The following SLC14A2 variants were observed in gnomAD, a reference collection of about 807,000 sequenced individuals.
The protein encoded by SLC14A2 is solute carrier family 14 member 2.
In SLC14A2, 91 loss-of-function variants were observed where a neutral mutation model predicts 104.6. The ratio of observed to expected loss-of-function variants is 0.87; its 90% CI spans 0.73 to 1.04. The LOEUF (loss-of-function observed/expected upper bound fraction) is 1.04, where lower values mean the gene tolerates loss of function less well. SLC14A2 is among the 50% of genes least tolerant of loss of function. The pLI, the probability that SLC14A2 is intolerant of heterozygous loss-of-function variation, is 0.00. For synonymous variants in SLC14A2, 476 were observed against 466.4 expected (o/e 1.02, Z -0.27); for missense variants, 1,189 against 1,156.0 (o/e 1.03, Z -0.41).
chr18:45,411,974 A>G (rs2086220254), intron 1 of SLC14A2, among the ~76,000 whole-genome samples: 1 of 152,184 alleles, frequency 6.6e-6, no homozygotes, highest in African/African-American at 2.4e-5. Flanking sequence ...CTCCCAACCA[A>G]GAAAAAGTCT....
chr18:45,417,547 C>G lies in SLC14A2; in HGVS notation c.-124-65686C>G, dbSNP rs2086291090. Among the ~76,000 whole-genome samples the G allele has an allele frequency of 2.0e-5, 3 of 152,202 alleles. No individual in the cohort carries two copies. The South Asian group carries it at 6.2e-4, about 32-fold the overall frequency. ...AGGGAAAAGCTCCTTATAAAGCCAT[C>G]AGATCTTCTGAGAACTCACTCACTA... On this transcript the variant is annotated intron_variant, in intron 1 of 20. Coordinates refer to the SLC14A2 transcript ENST00000586448.
At chr18:45,273,878 A>C (rs571022595) in intron 1 of SLC14A2, among the ~76,000 whole-genome samples, 2 of 152,286 alleles carry the variant, frequency 1.3e-5, no homozygotes, top group Admixed American at 6.5e-5. Context: ...AACAGTATTG[A>C]AGGGTGAAGA....
intron 6 of SLC14A2, 106 bp downstream of exon 6, chr18:45,637,288 T>A: frequency 1.2e-6 from 1 of 865,168 alleles, no homozygotes; most frequent in Non-Finnish European, 1.8e-6. Flanking sequence ...TAGAAACATC[T>A]ATACCAGATG....
At chr18:45,419,759 G>C (rs552968377) in intron 1 of SLC14A2, among the ~76,000 whole-genome samples, 5 of 130,940 alleles carry the variant, frequency 3.8e-5, no homozygotes, top group South Asian at 2.7e-4. Flanking sequence ...GGGCGACAGA[G>C]GAAGACTCCA....
At chr18:45,447,127 G>A (rs1598831210) in intron 1 of SLC14A2, 1 of 152,358 alleles carries the variant, frequency 6.6e-6, no homozygotes, top group East Asian at 1.9e-4. Context: ...GGTGGGGGTA[G>A]TCAGTCACCT....
At chr18:45,171,899 C>T in the SLC14A2 span, among the ~76,000 whole-genome samples, 1 of 152,204 alleles carries the variant, frequency 6.6e-6, no homozygotes, top group East Asian at 1.9e-4. Flanking sequence ...CCCTAAGGCC[C>T]AACTTCTTTC....
intron 1 of SLC14A2, among the ~76,000 whole-genome samples, chr18:45,343,829 G>A (rs1420970258): frequency 1.3e-5 from 2 of 152,088 alleles, no homozygotes; most frequent in South Asian, 2.1e-4. Context: ...ATCACCGCCT[G>A]TACCAAATAC....
rs146506064 is a variant in SLC14A2, at chr18:45,269,640, T to G, written c.-125+56449T>G. Among the ~76,000 whole-genome samples the G allele has an allele frequency of 2.9e-3, 436 of 152,248 alleles. 1 individual carries two copies. Among genetic ancestry groups the G allele is most frequent in the African/African-American group, 0.01 (416 of 41,542 alleles). ...CTGCACTACCTTCGAGACAAGACCATAGCTGCTCATAATTGCGCGTACTAT... is the reference window on the plus strand; with the variant it reads ...CTGCACTACCTTCGAGACAAGACCAGAGCTGCTCATAATTGCGCGTACTAT... On this transcript the variant is annotated intron_variant, in intron 1 of 20. Coordinates refer to the SLC14A2 transcript ENST00000586448.
intron 4 of SLC14A2, among the ~76,000 whole-genome samples, chr18:45,628,380 G>A (rs149403408): frequency 6.6e-6 from 1 of 151,488 alleles, no homozygotes; most frequent in Non-Finnish European, 1.5e-5. Flanking sequence ...GGAGGCGGAG[G>A]TTGCAGTTAG....
chr18:45,550,546 C>A (rs57234345), intron 2 of SLC14A2, among the ~76,000 whole-genome samples: 11,507 of 152,262 alleles, frequency 0.076, 559 homozygotes, highest in East Asian at 0.19. Context: ...GCCTGTGTGC[C>A]TGACACTTAT....
chr18:45,494,253 G>A (rs1319090727), intron 2 of SLC14A2, among the ~76,000 whole-genome samples: 1 of 152,152 alleles, frequency 6.6e-6, no homozygotes, highest in Non-Finnish European at 1.5e-5. Flanking sequence ...CCAAATTAGT[G>A]CCTACTGTAC....
At chr18:45,547,204 T>C (rs550500336) in intron 2 of SLC14A2, among the ~76,000 whole-genome samples, 7 of 152,266 alleles carry the variant, frequency 4.6e-5, no homozygotes, top group Admixed American at 4.6e-4. Context: ...AGAAAAACTT[T>C]TATTGATTTT....
intron 1 of SLC14A2, among the ~76,000 whole-genome samples, chr18:45,314,380 T>C (rs1160588050): frequency 6.6e-6 from 1 of 152,218 alleles, no homozygotes; most frequent in East Asian, 1.9e-4. Flanking sequence ...GTGCCTGTCC[T>C]CAGGGAAGCC....
intron 1 of SLC14A2, among the ~76,000 whole-genome samples, chr18:45,327,426 C>T (rs1039347851): frequency 1.3e-5 from 2 of 152,098 alleles, no homozygotes; most frequent in African/African-American, 4.8e-5. Flanking sequence ...TAAGTACATT[C>T]GCAATGCCAT....
At chr18:45,334,384 T>C (rs772889265) in intron 1 of SLC14A2, among the ~76,000 whole-genome samples, 4 of 152,220 alleles carry the variant, frequency 2.6e-5, no homozygotes, top group Non-Finnish European at 5.9e-5. Flanking sequence ...TTTCAGTTCA[T>C]GTGACAGCCA....
intron 1 of SLC14A2, among the ~76,000 whole-genome samples, chr18:45,445,152 C>G (rs2144593656): frequency 7.3e-6 from 1 of 137,624 alleles, no homozygotes; most frequent in African/African-American, 2.8e-5. Context: ...TGCTCTGTTC[C>G]CCAGGCTGAA....
chr18:45,344,985 A>G (rs545065307), intron 1 of SLC14A2, among the ~76,000 whole-genome samples: 1 of 152,264 alleles, frequency 6.6e-6, no homozygotes, highest in African/African-American at 2.4e-5. Flanking sequence ...CCTCACTGTG[A>G]TAAGCGTGCT....
chr18:45,522,361 G>A (rs2043529157), intron 2 of SLC14A2, among the ~76,000 whole-genome samples: 1 of 152,154 alleles, frequency 6.6e-6, no homozygotes, highest in African/African-American at 2.4e-5. Context: ...ATAAACTCGA[G>A]AAGGTAACCC....
At chr18:45,463,656 C>T (rs940987772) in intron 1 of SLC14A2, among the ~76,000 whole-genome samples, 6 of 152,212 alleles carry the variant, frequency 3.9e-5, no homozygotes, top group African/African-American at 1.2e-4. Context: ...TGGGGTTTTC[C>T]CAGTGTTGCA....
Sources: allele counts gnomAD v4.1 joint callset (sites outside exome capture counted in the v4.1 genomes callset), GRCh38; gene constraint gnomAD v4.1.1; transcripts MANE v1.5; gene names NCBI Gene and HGNC (gene_info 2026-07-23, HGNC 2026-07-21).